The following TENM3 variants were observed in gnomAD, a reference collection of about 807,000 sequenced individuals.
TENM3 encodes teneurin-3.
Under a neutral mutation model 255.1 loss-of-function variants are expected in TENM3, and 63 were observed. That is an observed-to-expected ratio of 0.25 (90% CI 0.20 to 0.30). The LOEUF (loss-of-function observed/expected upper bound fraction) is 0.30. Among genes scored for constraint, TENM3 ranks in the 10% least tolerant of loss-of-function variants. The pLI, the probability that TENM3 is intolerant of heterozygous loss-of-function variation, is 1.00. For synonymous variants in TENM3, 1,306 were observed against 1,322.3 expected (o/e 0.99, Z 0.27); for missense variants, 2,929 against 3,461.1 (o/e 0.85, Z 3.86).
intron 1 of TENM3, among the ~76,000 whole-genome samples, chr4:182,299,956 C>T (rs1761750740): frequency 1.3e-5 from 2 of 151,532 alleles, no homozygotes; most frequent in Non-Finnish European, 2.9e-5. Flanking sequence ...CACTCTGTCG[C>T]CCAGGCTGGA....
chr4:182,092,854 G>T, the TENM3 span, among the ~76,000 whole-genome samples: 1 of 152,032 alleles, frequency 6.6e-6, no homozygotes, highest in Admixed American at 6.5e-5. Context: ...CTACATAAAG[G>T]CTTTTCAAGT....
At chr4:181,849,949 T>TCACACACACACACACACACACA in the TENM3 span, among the ~76,000 whole-genome samples, 4 of 65,958 alleles carry the variant, frequency 6.1e-5, no homozygotes, top group Non-Finnish European at 1.3e-4. Flanking sequence ...TCTCTCTCTC[T>TCACACACACACACACACACACA]CACACACACA....
At chr4:182,668,124 T>C (rs1309120980) in intron 6 of TENM3, among the ~76,000 whole-genome samples, 1 of 152,146 alleles carries the variant, frequency 6.6e-6, no homozygotes, top group East Asian at 1.9e-4. Context: ...CATTTTGCCC[T>C]TAATGGAACT....
intron 3 of TENM3, among the ~76,000 whole-genome samples, chr4:182,413,753 C>T (rs559368126): frequency 2.0e-4 from 31 of 152,130 alleles, no homozygotes; most frequent in African/African-American, 5.1e-4. Flanking sequence ...GATTTCTATT[C>T]CCAGCTAAAC....
the TENM3 span, chr4:181,976,436 T>C: frequency 1.4e-4 from 22 of 152,266 alleles, no homozygotes; most frequent in African/African-American, 4.3e-4. Flanking sequence ...TAGTATTTCA[T>C]TGTGTCTCTG....
intron 3 of TENM3, among the ~76,000 whole-genome samples, chr4:182,469,258 G>T (rs1732890606): frequency 6.6e-6 from 1 of 152,114 alleles, no homozygotes; most frequent in South Asian, 2.1e-4. Flanking sequence ...GCTATCATAT[G>T]CCCCAATTTC....
the TENM3 span, among the ~76,000 whole-genome samples, chr4:181,538,153 A>C: frequency 6.6e-6 from 1 of 150,988 alleles, no homozygotes; most frequent in Non-Finnish European, 1.5e-5. Flanking sequence ...CAATATTAAT[A>C]AAAATAATAT....
At chr4:182,682,448 T>G (rs1362971055) in intron 11 of TENM3, among the ~76,000 whole-genome samples, 3 of 152,360 alleles carry the variant, frequency 2.0e-5, no homozygotes, top group African/African-American at 7.2e-5. Context: ...GACATTATGA[T>G]ATGAATAAAT....
intron 3 of TENM3, among the ~76,000 whole-genome samples, chr4:182,360,997 A>T (rs935817184): frequency 6.6e-6 from 1 of 152,094 alleles, no homozygotes; most frequent in African/African-American, 2.4e-5. Flanking sequence ...GTTTGGCTGG[A>T]TATGAAATTC....
intron 1 of TENM3, among the ~76,000 whole-genome samples, chr4:182,289,200 A>G (rs1760949519): frequency 6.6e-6 from 1 of 152,244 alleles, no homozygotes; most frequent in African/African-American, 2.4e-5. Flanking sequence ...ACCGCACTCC[A>G]GCCTGGGCGA....
At chr4:182,006,042 T>C in the TENM3 span, among the ~76,000 whole-genome samples, 1 of 152,154 alleles carries the variant, frequency 6.6e-6, no homozygotes, top group African/African-American at 2.4e-5. Context: ...TCTTTTCCTA[T>C]TTGAATATCC....
At chr4:182,502,212 C>G (rs1580759992) in intron 3 of TENM3, among the ~76,000 whole-genome samples, 2 of 152,176 alleles carry the variant, frequency 1.3e-5, no homozygotes, top group East Asian at 3.9e-4. Context: ...CACCCTGCAC[C>G]TCAAGGAAGC....
At chr4:182,734,470 T>C (rs1211349528) in intron 16 of TENM3, among the ~76,000 whole-genome samples, 1 of 152,034 alleles carries the variant, frequency 6.6e-6, no homozygotes, top group African/African-American at 2.4e-5. Context: ...AAGATATTGA[T>C]AGAAAAGAGA....
the TENM3 span, among the ~76,000 whole-genome samples, chr4:181,511,666 G>T: frequency 6.6e-6 from 1 of 152,012 alleles, no homozygotes; most frequent in East Asian, 1.9e-4. Context: ...TTATTTACTT[G>T]CCTACATGAC....
intron 3 of TENM3, among the ~76,000 whole-genome samples, chr4:182,564,161 T>C (rs1335729157): frequency 6.6e-6 from 1 of 152,140 alleles, no homozygotes; most frequent in East Asian, 1.9e-4. Context: ...AACCATTGGA[T>C]AGGGATTCAC....
intron 4 of TENM3, among the ~76,000 whole-genome samples, chr4:182,627,996 C>T (rs546795171): frequency 6.6e-6 from 1 of 152,112 alleles, no homozygotes; most frequent in South Asian, 2.1e-4. Context: ...GATTCCTTCC[C>T]TGTCCCTACC....
chr4:182,022,346 G>A, the TENM3 span, among the ~76,000 whole-genome samples: 1 of 151,964 alleles, frequency 6.6e-6, no homozygotes. Flanking sequence ...GAAGCATTGG[G>A]TATACATGGA....
chr4:181,873,503 C>T, the TENM3 span, among the ~76,000 whole-genome samples: 463 of 152,244 alleles, frequency 3.0e-3, 2 homozygotes, highest in African/African-American at 0.01. Flanking sequence ...TTTATTCTTT[C>T]ATTATGCATC....
At chr4:181,871,673 A>ATTAAG in the TENM3 span, among the ~76,000 whole-genome samples, 15 of 152,126 alleles carry the variant, frequency 9.9e-5, no homozygotes, top group African/African-American at 3.4e-4. Context: ...ATATTTTGTT[A>ATTAAG]TTAAGTTTGA....
Sources: gnomAD v4.1 joint callset for allele counts (sites outside exome capture counted in the v4.1 genomes callset) on GRCh38, gnomAD v4.1.1 for gene constraint, MANE v1.5 for transcripts, NCBI Gene and HGNC (gene_info 2026-07-23, HGNC 2026-07-21) for gene names.